Variants in LRRC28 observed in about 807,000 individuals in gnomAD.
The protein encoded by LRRC28 is leucine-rich repeat-containing protein 28.
In LRRC28, 39 loss-of-function variants were observed where a neutral mutation model predicts 45.7. The observed-to-expected ratio is 0.85, with a 90% CI of 0.66 to 1.12. LRRC28 has a LOEUF of 1.12. LRRC28 is among the 50% of genes most tolerant of loss of function. The probability of loss-of-function intolerance (pLI) is 0.00; values close to 1 mark genes in which losing one functional copy is unlikely to be tolerated. For synonymous variants in LRRC28, 206 were observed against 178.8 expected, an observed-to-expected ratio of 1.15 and a Z score of -1.22; for missense variants, 435 against 438.5, an observed-to-expected ratio of 0.99 and a Z score of 0.07.
At chr15:99,258,069 C>T in intron 2 of LRRC28, 2 of 1,480,332 alleles carry the variant, frequency 1.4e-6, no homozygotes, top group South Asian at 2.3e-5. Context: ...GTCACAGACA[C>T]TGGTGTAGGA....
At chr15:99,385,742 A>AT (rs1555584065) in intron 9 of LRRC28, among the ~76,000 whole-genome samples, 87 of 142,020 alleles carry the variant, frequency 6.1e-4, no homozygotes, top group East Asian at 4.1e-3. Context: ...TGGAAAAGGC[A>AT]TTTGTTTTTT....
At chr15:99,320,519 A>G (rs1955759615) in intron 5 of LRRC28, 1 of 152,196 alleles carries the variant, frequency 6.6e-6, no homozygotes, top group Non-Finnish European at 1.5e-5. Flanking sequence ...AAGTTTCCCA[A>G]CACCTGGTTA....
chr15:99,361,867 T>C (rs1957213961), intron 8 of LRRC28, among the ~76,000 whole-genome samples: 1 of 152,212 alleles, frequency 6.6e-6, no homozygotes, highest in Non-Finnish European at 1.5e-5. Flanking sequence ...TGTTTGGGAA[T>C]GTGTATTTGG....
chr15:99,282,507 T>G (rs1374123459), intron 3 of LRRC28, among the ~76,000 whole-genome samples: 1 of 152,196 alleles, frequency 6.6e-6, no homozygotes, highest in Non-Finnish European at 1.5e-5. Flanking sequence ...AAGATTATAA[T>G]ACTGTGTTTT....
rs1597153173 is a variant in LRRC28, at chr15:99,259,862, T to C, written c.168+3737T>C. ...ATAGAAAGAATGCCTTGCCTCAGTTTGAACACATCCTGATGCAAAGGTGGA... is the reference window on the plus strand; with the variant it reads ...ATAGAAAGAATGCCTTGCCTCAGTTCGAACACATCCTGATGCAAAGGTGGA... On this transcript the variant is annotated intron_variant, in intron 2 of 9. Coordinates refer to ENST00000301981, the MANE Select transcript of LRRC28 (RefSeq NM_144598.5). 6.3e-6 allele frequency: 5 copies of C among 793,484 alleles called. No individual in the cohort carries two copies. In the South Asian group the frequency reaches 6.7e-5, roughly 11 times the overall value. The allele number at this position is 793,484 out of a possible 1,614,324, so 49.2% of individuals were successfully genotyped here.
chr15:99,341,789 G>C (rs117375655), intron 6 of LRRC28, among the ~76,000 whole-genome samples: 2 of 152,128 alleles, frequency 1.3e-5, no homozygotes, highest in Non-Finnish European at 2.9e-5. Flanking sequence ...TGTTGTTCTC[G>C]TTCTAGAACT....
At chr15:99,339,013 T>G (rs1320131664) in intron 6 of LRRC28, among the ~76,000 whole-genome samples, 2 of 152,212 alleles carry the variant, frequency 1.3e-5, no homozygotes, top group African/African-American at 4.8e-5. Flanking sequence ...AAGCAGTCAC[T>G]TGAGCCTAGT....
chr15:99,363,948 T>TA (rs1244114486), intron 9 of LRRC28, among the ~76,000 whole-genome samples: 3 of 151,988 alleles, frequency 2.0e-5, no homozygotes, highest in African/African-American at 7.2e-5. Context: ...ATTTTTTAAG[T>TA]AAAAAAAAGT....
At chr15:99,274,614 C>T (rs1263863275) in intron 2 of LRRC28, among the ~76,000 whole-genome samples, 1 of 152,146 alleles carries the variant, frequency 6.6e-6, no homozygotes, top group African/African-American at 2.4e-5. Flanking sequence ...AAGACACATG[C>T]TTATTTTTAA....
chr15:99,257,951 G>T, intron 2 of LRRC28: 1 of 781,224 alleles, frequency 1.3e-6, no homozygotes. Context: ...TGATTCTGAC[G>T]CTTTAGTTAA....
intron 5 of LRRC28, among the ~76,000 whole-genome samples, chr15:99,314,322 C>T (rs1468558866): frequency 2.0e-5 from 3 of 151,996 alleles, no homozygotes; most frequent in African/African-American, 4.8e-5. Context: ...CCTGTAGTCT[C>T]AGCTGTTTGG....
At chr15:99,265,345 G>A (rs2081303995) in intron 2 of LRRC28, among the ~76,000 whole-genome samples, 1 of 152,144 alleles carries the variant, frequency 6.6e-6, no homozygotes, top group Admixed American at 6.5e-5. Context: ...TGGATTGGAG[G>A]CAAATAAAGG....
chr15:99,383,266 C>G (rs991428010), intron 9 of LRRC28, among the ~76,000 whole-genome samples: 1 of 152,176 alleles, frequency 6.6e-6, no homozygotes, highest in Non-Finnish European at 1.5e-5. Flanking sequence ...TTGGAGGCTT[C>G]TACAGCATCC....
intron 8 of LRRC28, among the ~76,000 whole-genome samples, chr15:99,362,077 A>G (rs1957220172): frequency 6.6e-6 from 1 of 152,232 alleles, no homozygotes. Flanking sequence ...GGCCGTGCAC[A>G]GATTTGATAG....
chr15:99,276,575 G>A lies in LRRC28; in HGVS notation c.169-1G>A. On this transcript the variant is annotated splice_acceptor_variant, in intron 2 of 9. Coordinates refer to ENST00000301981, the MANE Select transcript of LRRC28 (RefSeq NM_144598.5). LOFTEE classifies it high-confidence loss of function. ...TTTAATTCTGAGTTTTTAATTTTCAGCCAGAAAACCTTGCTCAGAAGCTTC... is the reference window on the plus strand; with the variant it reads ...TTTAATTCTGAGTTTTTAATTTTCAACCAGAAAACCTTGCTCAGAAGCTTC... 1 of 1,535,394 alleles carries A rather than the reference G, an allele frequency of 6.5e-7. No homozygotes were observed. The highest frequency in any genetic ancestry group is 2.4e-5 in the East Asian group (1 of 41,496).
rs140429908 is a variant in LRRC28, at chr15:99,286,350, G to A, written c.210-907G>A. On this transcript the variant is annotated intron_variant, in intron 3 of 9. Coordinates refer to ENST00000301981, the MANE Select transcript of LRRC28 (RefSeq NM_144598.5). Reference sequence around the variant, plus strand: ...TTTCACCTTGTTGCTCAGGCTGGTCGCGAACTCCTGAGGTCAGGCAATCCG... The same window carrying A: ...TTTCACCTTGTTGCTCAGGCTGGTCACGAACTCCTGAGGTCAGGCAATCCG... 1.5e-3 allele frequency among the ~76,000 whole-genome samples: 226 copies of A among 152,152 alleles called. 1 individual carries two copies. The highest frequency in any genetic ancestry group is 5.1e-3 in the African/African-American group (210 of 41,514).
At chr15:99,385,147 G>A (rs1287167076) in intron 9 of LRRC28, among the ~76,000 whole-genome samples, 1 of 139,558 alleles carries the variant, frequency 7.2e-6, no homozygotes, top group Non-Finnish European at 1.6e-5. Flanking sequence ...AGAGGGAGTG[G>A]GGTGGAAATA....
At chr15:99,320,087 G>A (rs964817159) in intron 5 of LRRC28, among the ~76,000 whole-genome samples, 4 of 152,104 alleles carry the variant, frequency 2.6e-5, no homozygotes, top group African/African-American at 9.7e-5. Flanking sequence ...GATTACAGGC[G>A]TGAGCCACCG....
At chr15:99,283,968 A>G (rs1321326698) in intron 3 of LRRC28, among the ~76,000 whole-genome samples, 1 of 152,262 alleles carries the variant, frequency 6.6e-6, no homozygotes, top group Non-Finnish European at 1.5e-5. Context: ...AAGAGCATTC[A>G]TTTAACTCTT....
Sources: allele counts gnomAD v4.1 joint callset (sites outside exome capture counted in the v4.1 genomes callset), GRCh38; gene constraint gnomAD v4.1.1; transcripts MANE v1.5; gene names NCBI Gene and HGNC (gene_info 2026-07-23, HGNC 2026-07-21).